SAE1: variants seen among roughly 807,000 people sequenced by gnomAD.
SAE1 encodes the protein SUMO1 activating enzyme subunit 1.
Under a neutral mutation model 40.6 loss-of-function variants are expected in SAE1, and 11 were observed. The ratio of observed to expected loss-of-function variants is 0.27; its 90% CI spans 0.17 to 0.45. The LOEUF (loss-of-function observed/expected upper bound fraction) is 0.45. Among genes scored for constraint, SAE1 ranks in the 20% least tolerant of loss-of-function variants. The pLI is 1.00. For synonymous variants in SAE1, 155 were observed against 154.3 expected, an observed-to-expected ratio of 1.00 and a Z score of -0.03; for missense variants, 373 against 427.3, an observed-to-expected ratio of 0.87 and a Z score of 1.12.
chr19:47,131,143 T>A, intron 1 of SAE1, 115 bp downstream of exon 1: 1 of 1,432,466 alleles, frequency 7.0e-7, no homozygotes, highest in Non-Finnish European at 9.1e-7. Context: ...GCGGGAATTC[T>A]GTGCTCTGGG....
At chr19:47,142,277 G>A (rs1284918233) in intron 1 of SAE1, among the ~76,000 whole-genome samples, 3 of 151,802 alleles carry the variant, frequency 2.0e-5, no homozygotes, top group Admixed American at 6.6e-5. Context: ...CCAGCTACTC[G>A]GGAGGCTGAG....
rs780670101 is a variant in SAE1 at position 47,142,111 on chromosome 19, C to T, written c.99-1383C>T. 8.5e-5 allele frequency among the ~76,000 whole-genome samples: 13 copies of T among 152,226 alleles called. No individual in the cohort carries two copies. The East Asian group carries it at 1.2e-3, about 14-fold the overall frequency. On this transcript the variant is annotated intron_variant, in intron 1 of 8. Coordinates refer to ENST00000270225, the MANE Select transcript of SAE1 (RefSeq NM_005500.3). ...AAAAAGCTAAAAACAAGGCTGGGCA[C>T]GGTGGCTCATGCCTGTAATCCCAGC...
At chr19:47,131,595 A>C (rs924479636) in intron 1 of SAE1, among the ~76,000 whole-genome samples, 1 of 149,574 alleles carries the variant, frequency 6.7e-6, no homozygotes, top group African/African-American at 2.5e-5. Flanking sequence ...CTGGAGGGGG[A>C]CGGCCGTAGG....
intron 6 of SAE1, among the ~76,000 whole-genome samples, chr19:47,171,282 C>T (rs928501852): frequency 2.6e-5 from 4 of 151,016 alleles, no homozygotes; most frequent in African/African-American, 9.7e-5. Flanking sequence ...AAACCTGGCA[C>T]TTTTAATTTT....
At chr19:47,191,190 C>T in intron 6 of SAE1, among the ~76,000 whole-genome samples, 1 of 152,024 alleles carries the variant, frequency 6.6e-6, no homozygotes, top group East Asian at 1.9e-4. Flanking sequence ...GCAGGAGGAT[C>T]ACTTAAGGTC....
At chr19:47,170,075 A>G (rs917849081) in intron 6 of SAE1, 152 bp downstream of exon 6, 3 of 640,004 alleles carry the variant, frequency 4.7e-6, no homozygotes. Flanking sequence ...AGGGGTGGTC[A>G]CTTGAAGGGG....
At chr19:47,145,603 CAA>C (rs1235136976) in intron 2 of SAE1, among the ~76,000 whole-genome samples, 1 of 151,960 alleles carries the variant, frequency 6.6e-6, no homozygotes, top group African/African-American at 2.4e-5. Flanking sequence ...TATTTTGAGA[CAA>C]AGACTTACTC....
At position 47,152,998 on chromosome 19, in the gene SAE1, A is replaced by G. The variant is rs144472452; in HGVS notation, c.485A>G (p.His162Arg). 3.7e-6 allele frequency: 6 copies of G among 1,613,514 alleles called. No homozygotes were observed. The African/African-American group carries it at 5.3e-5, about 14-fold the overall frequency. The change falls in exon 4 of 9, where the codon CAT becomes CGT. Residue 162 changes from histidine (H) to arginine (R), a missense_variant. Coordinates refer to ENST00000270225, the MANE Select transcript of SAE1 (RefSeq NM_005500.3). Reference protein sequence around the residue: ...KFFTGDVFGYHGYTFANLGEH... With the variant: ...KFFTGDVFGYRGYTFANLGEH... Reference sequence around the variant, plus strand: ...TTTACAGGAGATGTTTTTGGCTACCATGGATACACATTTGCCAATCTAGGA... The same window carrying G: ...TTTACAGGAGATGTTTTTGGCTACCGTGGATACACATTTGCCAATCTAGGA...
At chr19:47,151,082 T>G (rs1373867740) in intron 3 of SAE1, among the ~76,000 whole-genome samples, 1 of 152,164 alleles carries the variant, frequency 6.6e-6, no homozygotes, top group Non-Finnish European at 1.5e-5. Context: ...AGCTACTAGT[T>G]TTTTAAATGA....
intron 1 of SAE1, among the ~76,000 whole-genome samples, chr19:47,133,882 A>G (rs1447714905): frequency 1.4e-5 from 2 of 140,838 alleles, no homozygotes; most frequent in African/African-American, 5.3e-5. Flanking sequence ...TTTTTTTTTG[A>G]GACGGAGTCT....
At chr19:47,184,910 T>A (rs1046411797) in intron 6 of SAE1, among the ~76,000 whole-genome samples, 2 of 151,910 alleles carry the variant, frequency 1.3e-5, no homozygotes, top group African/African-American at 4.8e-5. Context: ...AACCTCTACC[T>A]CCCAAGTTCA....
intron 6 of SAE1, among the ~76,000 whole-genome samples, chr19:47,187,483 G>A (rs1406919568): frequency 6.6e-6 from 1 of 152,182 alleles, no homozygotes; most frequent in Non-Finnish European, 1.5e-5. Context: ...AATTCAGTCA[G>A]TAACAGACCA....
At chr19:47,195,304 C>T (rs2058606834) in intron 6 of SAE1, among the ~76,000 whole-genome samples, 1 of 152,182 alleles carries the variant, frequency 6.6e-6, no homozygotes, top group Non-Finnish European at 1.5e-5. Context: ...ATCCACCCGC[C>T]TTGGCCTCCC....
At chr19:47,165,973 G>T (rs1183763265) in intron 5 of SAE1, among the ~76,000 whole-genome samples, 1 of 152,112 alleles carries the variant, frequency 6.6e-6, no homozygotes, top group Non-Finnish European at 1.5e-5. Context: ...AATCTGATTG[G>T]CCTGGTTGGG....
At chr19:47,201,190 A>C (rs1268353215) in intron 7 of SAE1, among the ~76,000 whole-genome samples, 1 of 151,762 alleles carries the variant, frequency 6.6e-6, no homozygotes, top group East Asian at 1.9e-4. Flanking sequence ...CTGGGACTAC[A>C]GGCGCGTGCC....
intron 8 of SAE1, among the ~76,000 whole-genome samples, chr19:47,208,037 A>G (rs1421261704): frequency 6.6e-6 from 1 of 151,670 alleles, no homozygotes; most frequent in Non-Finnish European, 1.5e-5. Flanking sequence ...CCCAGCCCTG[A>G]CCCCCTGTGG....
At position 47,171,359 on chromosome 19, in the gene SAE1, T is replaced by A. The variant is rs566480532; in HGVS notation, c.733+1436T>A. ...CCCAGGCTGGAGTGCAGTGGCACGATCTTGGCACACTGCAACCTCTGCCTC... is the reference window on the plus strand; with the variant it reads ...CCCAGGCTGGAGTGCAGTGGCACGAACTTGGCACACTGCAACCTCTGCCTC... On this transcript the variant is annotated intron_variant, in intron 6 of 8. Transcript: ENST00000270225. 9.9e-5 allele frequency among the ~76,000 whole-genome samples: 15 copies of A among 151,908 alleles called. No individual in the cohort carries two copies. In the East Asian group the frequency reaches 2.9e-3, roughly 29 times the overall value.
intron 8 of SAE1, among the ~76,000 whole-genome samples, chr19:47,208,875 G>C (rs1365592608): frequency 6.6e-6 from 1 of 152,176 alleles, no homozygotes; most frequent in Non-Finnish European, 1.5e-5. Flanking sequence ...ACATTTTTGA[G>C]ATACATAGTT....
At chr19:47,199,701 A>G (rs923050539) in intron 7 of SAE1, among the ~76,000 whole-genome samples, 3 of 152,100 alleles carry the variant, frequency 2.0e-5, no homozygotes, top group Non-Finnish European at 4.4e-5. Flanking sequence ...CCACTGGCTG[A>G]CTGGCTGGGA....
Sources: gnomAD v4.1 joint callset for allele counts (sites outside exome capture counted in the v4.1 genomes callset) on GRCh38, gnomAD v4.1.1 for gene constraint, MANE v1.5 for transcripts, NCBI Gene and HGNC (gene_info 2026-07-23, HGNC 2026-07-21) for gene names.